The following NDUFAF6 variants were observed in gnomAD, a reference collection of about 807,000 sequenced individuals.
The protein encoded by NDUFAF6 is NADH:ubiquinone oxidoreductase complex assembly factor 6.
In NDUFAF6, 45 loss-of-function variants were observed where a neutral mutation model predicts 40.8. That is an observed-to-expected ratio of 1.10 (90% confidence interval 0.87 to 1.42). The LOEUF (loss-of-function observed/expected upper bound fraction) is 1.42, where lower values mean the gene tolerates loss of function less well. Among genes scored for constraint, NDUFAF6 ranks in the 40% most tolerant of loss-of-function variants. The pLI is 0.00. For synonymous variants in NDUFAF6, 185 were observed against 155.9 expected (o/e 1.19, Z -1.39); for missense variants, 435 against 418.5 (o/e 1.04, Z -0.34).
chr8:95,055,911 A>G (rs1005585533), intron 8 of NDUFAF6, among the ~76,000 whole-genome samples: 3 of 152,132 alleles, frequency 2.0e-5, no homozygotes, highest in South Asian at 2.1e-4. Flanking sequence ...AGTTTTTCCC[A>G]TCTCATTTCC....
At chr8:94,905,920 C>T (rs1377318890) in intron 1 of NDUFAF6, among the ~76,000 whole-genome samples, 1 of 152,194 alleles carries the variant, frequency 6.6e-6, no homozygotes, top group African/African-American at 2.4e-5. Flanking sequence ...TAAACTTTGT[C>T]ACTTCCTCAT....
At chr8:95,076,212 A>G (rs932732984), downstream of NDUFAF6, 4 of 152,876 alleles carry the variant, frequency 2.6e-5, no homozygotes, top group African/African-American at 4.8e-5. Flanking sequence ...AAGCTCTCCA[A>G]TGCTAGATTT....
chr8:95,032,755 G>A (rs1829006196), intron 2 of NDUFAF6, among the ~76,000 whole-genome samples: 1 of 152,180 alleles, frequency 6.6e-6, no homozygotes, highest in African/African-American at 2.4e-5. Context: ...GAAGAGAGTA[G>A]CAAATTTTGA....
chr8:95,015,881 G>T (rs897733156), intron 2 of NDUFAF6, among the ~76,000 whole-genome samples: 2 of 152,218 alleles, frequency 1.3e-5, no homozygotes, highest in African/African-American at 4.8e-5. Context: ...AGTGCTAAGG[G>T]ATAAATAGAA....
At position 95,048,561 on chromosome 8, in the gene NDUFAF6, A is replaced by G. The variant is rs761246941; in HGVS notation, c.816+3A>G. Reference sequence around the variant, plus strand: ...AAGCACACTTGCACCTAAAGCATGTAAGTCGGCTTTTTTTTGCCAAATCAT... The same window carrying G: ...AAGCACACTTGCACCTAAAGCATGTGAGTCGGCTTTTTTTTGCCAAATCAT... On this transcript the variant is annotated splice_donor_region_variant and intron_variant, in intron 7 of 8. Transcript: ENST00000396124. 6.2e-7 allele frequency: 1 copy of G among 1,612,178 alleles called. No homozygotes were observed. The highest frequency in any genetic ancestry group is 2.2e-5 in the East Asian group (1 of 44,864).
chr8:95,116,221 C>T (rs1282170145), intron 5 of NDUFAF6: 1 of 151,590 alleles, frequency 6.6e-6, no homozygotes, highest in African/African-American at 2.4e-5. Context: ...AAGGAATGCT[C>T]AACAGCTGGA....
At chr8:95,064,295 C>G (rs564717432) in intron 9 of NDUFAF6, among the ~76,000 whole-genome samples, 2 of 152,080 alleles carry the variant, frequency 1.3e-5, no homozygotes, top group African/African-American at 4.8e-5. Context: ...TAAGTTGTTC[C>G]ATTTAAGATG....
exon 10 of NDUFAF6, chr8:95,075,917 C>CA (rs2132044193): frequency 3.1e-6 from 1 of 320,824 alleles, no homozygotes; most frequent in South Asian, 2.6e-5. Context: ...TACACAAAAT[C>CA]AAAATCAGGA....
At chr8:95,065,056 T>G (rs1172766887) in intron 9 of NDUFAF6, among the ~76,000 whole-genome samples, 2 of 152,180 alleles carry the variant, frequency 1.3e-5, no homozygotes, top group East Asian at 1.9e-4. Context: ...TTCATGCCCC[T>G]TCCCCCATAT....
intron 1 of NDUFAF6, among the ~76,000 whole-genome samples, chr8:95,028,692 G>A (rs972737553): frequency 2.6e-5 from 4 of 151,936 alleles, no homozygotes; most frequent in African/African-American, 7.3e-5. Flanking sequence ...AGCTTCATTT[G>A]CAAATTGGGA....
intron 3 of NDUFAF6, among the ~76,000 whole-genome samples, chr8:95,037,447 C>T (rs1829632477): frequency 6.6e-6 from 1 of 152,172 alleles, no homozygotes; most frequent in Non-Finnish European, 1.5e-5. Flanking sequence ...CAAAATCAAA[C>T]ATGCCCATCG....
At chr8:94,944,406 G>T (rs1821813263) in intron 1 of NDUFAF6, among the ~76,000 whole-genome samples, 1 of 152,158 alleles carries the variant, frequency 6.6e-6, no homozygotes, top group Non-Finnish European at 1.5e-5. Flanking sequence ...CTGGCCACAG[G>T]TCCAAACCCA....
At chr8:94,953,086 G>A (rs1238371826), upstream of NDUFAF6, among the ~76,000 whole-genome samples, 3 of 152,198 alleles carry the variant, frequency 2.0e-5, no homozygotes, top group Non-Finnish European at 4.4e-5. Context: ...GGTGGCTTAC[G>A]CCTGTAATCC....
intron 1 of NDUFAF6, among the ~76,000 whole-genome samples, chr8:94,966,312 G>A (rs1157197978): frequency 6.6e-6 from 1 of 152,162 alleles, no homozygotes; most frequent in East Asian, 1.9e-4. Context: ...CAGGAAGGAC[G>A]GCCAGGCATG....
At chr8:94,957,082 G>T (rs1001165041), upstream of NDUFAF6, among the ~76,000 whole-genome samples, 1 of 152,176 alleles carries the variant, frequency 6.6e-6, no homozygotes, top group Non-Finnish European at 1.5e-5. Context: ...TGAGGCAGGA[G>T]AATCACTTGA....
At chr8:94,908,768 A>G (rs993194092) in intron 1 of NDUFAF6, among the ~76,000 whole-genome samples, 1 of 152,222 alleles carries the variant, frequency 6.6e-6, no homozygotes, top group African/African-American at 2.4e-5. Context: ...TTATTTTGCC[A>G]GATTTATAGC....
At chr8:95,006,524 C>T (rs959332211) in intron 2 of NDUFAF6, among the ~76,000 whole-genome samples, 4 of 152,092 alleles carry the variant, frequency 2.6e-5, no homozygotes, top group African/African-American at 9.7e-5. Flanking sequence ...TGAACATTTA[C>T]AGCTTTACAG....
chr8:95,094,751 C>T (rs72664605), intron 2 of NDUFAF6, among the ~76,000 whole-genome samples: 257 of 19,422 alleles, frequency 0.013, 2 homozygotes, highest in East Asian at 0.065. Context: ...TCTTCTTCTT[C>T]TTTTTTTTTT....
intron 3 of NDUFAF6, among the ~76,000 whole-genome samples, chr8:95,040,268 A>G (rs1431397090): frequency 6.6e-6 from 1 of 152,200 alleles, no homozygotes; most frequent in East Asian, 1.9e-4. Context: ...GCCATACTTC[A>G]TAGGTGGTAT....
Sources: gnomAD v4.1 joint callset for allele counts (sites outside exome capture counted in the v4.1 genomes callset) on GRCh38, gnomAD v4.1.1 for gene constraint, MANE v1.5 for transcripts, NCBI Gene and HGNC (gene_info 2026-07-23, HGNC 2026-07-21) for gene names.